ITPK1: variants seen among roughly 807,000 people sequenced by gnomAD.
The protein encoded by ITPK1 is inositol-tetrakisphosphate 1-kinase.
A neutral mutation model predicts 45.3 loss-of-function variants in ITPK1; 21 were observed. That is an observed-to-expected ratio of 0.46 (90% CI 0.33 to 0.67). The LOEUF (loss-of-function observed/expected upper bound fraction) is 0.67, where lower values mean the gene tolerates loss of function less well. Ranked by LOEUF, ITPK1 falls within the 30% of genes least tolerant of loss-of-function variation. The pLI is 0.02. For synonymous variants in ITPK1, 258 were observed against 253.6 expected (o/e 1.02, Z -0.16); for missense variants, 474 against 573.5 (o/e 0.83, Z 1.77).
chr14:93,108,838 C>G (rs1000675908), intron 2 of ITPK1, among the ~76,000 whole-genome samples: 1 of 152,170 alleles, frequency 6.6e-6, no homozygotes, highest in Non-Finnish European at 1.5e-5. Flanking sequence ...GATGGCGAAA[C>G]CCAGTCTCTA....
intron 4 of ITPK1, among the ~76,000 whole-genome samples, chr14:93,006,178 A>C (rs1887605315): frequency 6.6e-6 from 1 of 152,220 alleles, no homozygotes; most frequent in African/African-American, 2.4e-5. Context: ...CTTAGGATCC[A>C]TCAGACTCAC....
At chr14:93,040,903 C>T (rs1377834908) in intron 3 of ITPK1, among the ~76,000 whole-genome samples, 1 of 152,158 alleles carries the variant, frequency 6.6e-6, no homozygotes. Context: ...ACCAAGGCCC[C>T]GTCTTCTCCC....
intron 2 of ITPK1, among the ~76,000 whole-genome samples, chr14:93,111,712 A>G (rs893924440): frequency 1.4e-5 from 2 of 140,174 alleles, no homozygotes; most frequent in African/African-American, 6.0e-5. Flanking sequence ...CTCCACCTCA[A>G]AAAAAAAAAA....
intron 3 of ITPK1, chr14:93,066,387 C>T: frequency 5.4e-6 from 2 of 372,836 alleles, no homozygotes; most frequent in Non-Finnish European, 5.3e-6. Flanking sequence ...GTGTCACTGC[C>T]AAGGTGACAT....
At chr14:92,956,178 G>T (rs142013918) in intron 8 of ITPK1, among the ~76,000 whole-genome samples, 38 of 151,280 alleles carry the variant, frequency 2.5e-4, no homozygotes, top group Non-Finnish European at 1.6e-4. Flanking sequence ...GGAATGCAGT[G>T]GCATGACCAC....
chr14:93,076,974 G>A lies in ITPK1; in HGVS notation c.96-355C>T, dbSNP rs147300562. Among the ~76,000 whole-genome samples the A allele has an allele frequency of 1.5e-4, 23 of 152,074 alleles. No individual in the cohort carries two copies. Among genetic ancestry groups the A allele is most frequent in the East Asian group, 9.7e-4 (5 of 5,158 alleles). On this transcript the variant is annotated intron_variant, in intron 2 of 10. Coordinates refer to ENST00000267615, the MANE Select transcript of ITPK1 (RefSeq NM_014216.6). The surrounding 1 kb of genome is among the most constrained non-coding windows in gnomAD (Gnocchi z 4.3). ...TTCACCACCATCCTCACCACCTGCC[G>A]TCCCTGCCGAGCTCAACCCCCATAG...
chr14:93,009,984 G>A lies in ITPK1; in HGVS notation c.246+6692C>T, dbSNP rs553364606. On this transcript the variant is annotated intron_variant, in intron 4 of 10. Coordinates refer to ENST00000267615, the MANE Select transcript of ITPK1 (RefSeq NM_014216.6). ...CAGTTGTCTCCTCCTGAAAAATGGG[G>A]AAATAATTCCATTATCTCAGGGACT... Among the ~76,000 whole-genome samples, 6 of 152,280 alleles carry A rather than the reference G, an allele frequency of 3.9e-5. No homozygotes were observed. The South Asian group carries it at 1.2e-3, about 32-fold the overall frequency.
In ITPK1 at chr14:92,941,635, A is replaced by G; in HGVS notation, c.1171T>C (p.Cys391Arg). The G allele has an allele frequency of 1.3e-6, 2 of 1,540,264 alleles. No individual in the cohort carries two copies. The highest frequency in any genetic ancestry group is 1.4e-5 in the African/African-American group (1 of 72,790). ...AAGCTGGGCGACACGCCGGCGTTGC[A>G]GCCGAGTCTCTGGTGCGGCAGCTTG... ...TAKLPHQRLG[C>R]NAGVSPSFQQ... The change falls in exon 11 of 11, where the codon TGC (cysteine) becomes CGC (arginine). Residue 391 changes from cysteine (C) to arginine (R), a missense_variant. Physicochemically the swap from Cys to Arg is radical, Grantham distance 180. Coordinates refer to ENST00000267615, the MANE Select transcript of ITPK1 (RefSeq NM_014216.6).
At position 93,076,753 on chromosome 14, in the gene ITPK1, G is replaced by A; in HGVS notation, c.96-134C>T. The A allele has an allele frequency of 1.0e-6, 1 of 980,678 alleles. No individual in the cohort carries two copies. The highest frequency in any genetic ancestry group is 1.6e-6 in the Non-Finnish European group (1 of 625,180). 60.7% of individuals were successfully genotyped at this position (980,678 alleles called of 1,614,324 possible). A position where few individuals can be genotyped will look rare whatever the true frequency, so the allele number is the denominator to read the frequency against. ...GGGAGCCGGCAGCTGCGCCTCTCCTGCTACTGTCCCAGAACAGCCATGCCT... is the reference window on the plus strand; with the variant it reads ...GGGAGCCGGCAGCTGCGCCTCTCCTACTACTGTCCCAGAACAGCCATGCCT... On this transcript the variant is annotated intron_variant, in intron 2 of 10. Coordinates refer to ENST00000267615, the MANE Select transcript of ITPK1 (RefSeq NM_014216.6). The surrounding 1 kb of genome is among the most constrained non-coding windows in gnomAD (Gnocchi z 4.3).
At chr14:93,092,253 C>T (rs1196130030) in intron 2 of ITPK1, among the ~76,000 whole-genome samples, 1 of 152,184 alleles carries the variant, frequency 6.6e-6, no homozygotes, top group Non-Finnish European at 1.5e-5. Context: ...AGCCCCACGC[C>T]AAAGATGCAA....
chr14:93,100,391 G>A (rs1437178487), intron 2 of ITPK1, among the ~76,000 whole-genome samples: 1 of 152,124 alleles, frequency 6.6e-6, no homozygotes, highest in African/African-American at 2.4e-5. Flanking sequence ...CGGATCAAAT[G>A]AGATCACACA....
intron 4 of ITPK1, among the ~76,000 whole-genome samples, chr14:93,011,010 G>C (rs1048710727): frequency 4.6e-5 from 7 of 152,176 alleles, no homozygotes; most frequent in Non-Finnish European, 8.8e-5. Context: ...AGGCACTAGG[G>C]GAATCGCAAA....
At chr14:93,031,763 A>G (rs373099947) in intron 3 of ITPK1, among the ~76,000 whole-genome samples, 12 of 152,100 alleles carry the variant, frequency 7.9e-5, no homozygotes, top group African/African-American at 2.9e-4. Flanking sequence ...CCGGCCTGGG[A>G]TGTTTATTTT....
chr14:93,061,155 A>G (rs1890502460), intron 3 of ITPK1, among the ~76,000 whole-genome samples: 1 of 152,150 alleles, frequency 6.6e-6, no homozygotes, highest in Non-Finnish European at 1.5e-5. Flanking sequence ...CAATTCCCCA[A>G]ATGACTCCTA....
intron 2 of ITPK1, among the ~76,000 whole-genome samples, chr14:93,099,251 C>G (rs969623865): frequency 6.6e-6 from 1 of 152,112 alleles, no homozygotes. Flanking sequence ...CCTCCAGCTC[C>G]GACAACCCCC....
intron 9 of ITPK1, 55 bp from the exon 10 acceptor site, chr14:92,946,548 C>A (rs1214296856): frequency 1.9e-6 from 3 of 1,551,594 alleles, no homozygotes; most frequent in Non-Finnish European, 2.6e-6. Context: ...CGAAGCCACA[C>A]CACACAGACA....
intron 2 of ITPK1, among the ~76,000 whole-genome samples, chr14:93,114,158 C>A (rs1892850370): frequency 6.6e-6 from 1 of 152,278 alleles, no homozygotes; most frequent in South Asian, 2.1e-4. Flanking sequence ...GCTAGATTCT[C>A]TTAGGCTTGC....
At chr14:92,946,605 G>A in intron 9 of ITPK1, 112 bp from the exon 10 acceptor site, 1 of 1,100,342 alleles carries the variant, frequency 9.1e-7, no homozygotes. Flanking sequence ...CTTCAGGCCA[G>A]GAAGCCAGAC....
intron 2 of ITPK1, among the ~76,000 whole-genome samples, chr14:93,104,855 C>A (rs1892458494): frequency 6.6e-6 from 1 of 150,938 alleles, no homozygotes; most frequent in South Asian, 2.2e-4. Context: ...CTGGCTTGGG[C>A]TCCAAGAGCG....
Sources: allele counts gnomAD v4.1 joint callset (sites outside exome capture counted in the v4.1 genomes callset), GRCh38; gene constraint gnomAD v4.1.1; non-coding constraint Gnocchi (gnomAD v3.1); transcripts MANE v1.5; gene names NCBI Gene and HGNC (gene_info 2026-07-23, HGNC 2026-07-21).